Variants in RMND5B observed in about 807,000 individuals in gnomAD.
RMND5B encodes E3 ubiquitin-protein transferase RMND5B.
RMND5B carries 42 observed loss-of-function variants against 50.4 expected under a neutral mutation model. The ratio of observed to expected loss-of-function variants is 0.83; its 90% CI spans 0.65 to 1.08. RMND5B has a LOEUF of 1.08. Among genes scored for constraint, RMND5B ranks in the 50% least tolerant of loss-of-function variants. RMND5B has a pLI of 0.00. For missense variants in RMND5B, 463 were observed against 508.5 expected (o/e 0.91, Z 0.86); for synonymous variants, 220 against 210.0 (o/e 1.05, Z -0.41).
chr5:178,132,596 T>A (rs1325209629), intron 2 of RMND5B, among the ~76,000 whole-genome samples: 7 of 151,292 alleles, frequency 4.6e-5, no homozygotes, highest in Non-Finnish European at 7.4e-5. Context: ...TGGGACTACA[T>A]GGTGCACCTG....
chr5:178,142,267 A>G (rs1261891054), intron 3 of RMND5B: 1 of 311,872 alleles, frequency 3.2e-6, no homozygotes, highest in Non-Finnish European at 6.0e-6. Context: ...AATCCTATGC[A>G]TGCTGTAGTC....
intron 4 of RMND5B, 52 bp downstream of exon 4, chr5:178,142,780 A>C (rs758736609): frequency 6.2e-7 from 1 of 1,614,204 alleles, no homozygotes; most frequent in Non-Finnish European, 8.5e-7. Flanking sequence ...TGAAGCTGGG[A>C]TGTACAAGGA....
Position 178,149,319 on chromosome 5 carries a change from G to A in RMND5B, c.*1287G>A, listed in dbSNP as rs985973128. The A allele has an allele frequency of 4.4e-5, 9 of 203,806 alleles. No homozygotes were observed. The highest frequency in any genetic ancestry group is 1.6e-4 in the African/African-American group (7 of 42,704). 12.6% of individuals were successfully genotyped at this position (203,806 alleles called of 1,614,324 possible). On this transcript the variant is annotated 3_prime_UTR_variant, in exon 11 of 11. Coordinates refer to ENST00000313386, the MANE Select transcript of RMND5B (RefSeq NM_022762.5). ...TTCTCAGCTTGAGCCAAAGCACCCG[G>A]CCCTGGGCAGCTGAGCATCAGCACA...
At chr5:178,136,198 A>C (rs1758615075) in intron 2 of RMND5B, 1 of 152,182 alleles carries the variant, frequency 6.6e-6, no homozygotes, top group African/African-American at 2.4e-5. Context: ...TCTCATCTGC[A>C]AAGTGGGTCT....
Position 178,143,635 on chromosome 5 carries a change from G to A in RMND5B, c.435G>A (p.Thr145=), listed in dbSNP as rs114916116. The change falls in exon 6 of 11, where the codon ACG becomes ACA. Residue 145 remains threonine, a synonymous_variant. Transcript: ENST00000313386. The part of the protein sequence containing the change: ...SVAEELCQES[T]LNVDLDFKQP... ...TCTCTCTCTCCTTGTAGGAATCAAC[G>A]CTGAATGTGGACTTGGATTTCAAGC... 3.5e-3 allele frequency: 5,696 copies of A among 1,613,126 alleles called. 174 individuals carry two copies. In the African/African-American group the frequency reaches 0.069, roughly 19 times the overall value.
At position 178,131,314 on chromosome 5, in the gene RMND5B, G is replaced by C. The variant is rs1170488380; in HGVS notation, c.-75G>C. ...GCCCCCGAAGAGCCGCCTCAGCCGG[G>C]GGGAGTTGCTCGGACTCAAACGTCC... On this transcript the variant is annotated 5_prime_UTR_variant, in exon 2 of 11. Transcript: ENST00000313386. 1 of 152,252 alleles carries C rather than the reference G, an allele frequency of 6.6e-6. No homozygotes were observed. Among genetic ancestry groups the C allele is most frequent in the African/African-American group, 2.4e-5 (1 of 41,454 alleles). The allele number at this position is 152,252 out of a possible 1,614,324, so 9.4% of individuals were successfully genotyped here.
chr5:178,133,767 AG>A (rs1758464445), intron 2 of RMND5B, among the ~76,000 whole-genome samples: 1 of 145,920 alleles, frequency 6.9e-6, no homozygotes, highest in Non-Finnish European at 1.5e-5. Context: ...GCTGGAGTGC[AG>A]TGGCACAATC....
intron 3 of RMND5B, chr5:178,142,224 G>T (rs1758984361): frequency 9.6e-6 from 2 of 207,842 alleles, no homozygotes; most frequent in East Asian, 2.2e-4. Context: ...TGGATCAGGT[G>T]GTAACTCTAG....
chr5:178,150,088 G>A lies in RMND5B; in HGVS notation c.*2056G>A. 1 of 390,926 alleles carries A rather than the reference G, an allele frequency of 2.6e-6. No homozygotes were observed. The highest frequency in any genetic ancestry group is 4.7e-6 in the Non-Finnish European group (1 of 212,754). The allele number at this position is 390,926 out of a possible 1,614,324, so 24.2% of individuals were successfully genotyped here. A position where few individuals can be genotyped will look rare whatever the true frequency, so the allele number is the denominator to read the frequency against. On this transcript the variant is annotated 3_prime_UTR_variant, in exon 11 of 11. Transcript: ENST00000313386. ...AAAGGGCTCCAGCCCAGCAGGGGCT[G>A]TCCCGGTCCCTGCCACCCCCACTTC...
At chr5:178,131,988 G>A (rs1384676668) in intron 2 of RMND5B, among the ~76,000 whole-genome samples, 1 of 152,166 alleles carries the variant, frequency 6.6e-6, no homozygotes, top group East Asian at 1.9e-4. Flanking sequence ...GACATGTAGG[G>A]TAGAGAGTGG....
rs1469518704 is a variant in RMND5B, at chr5:178,138,112, A to T, written c.-8A>T. Reference sequence around the variant, plus strand: ...GACCCAGCTGACCCTCCCCAGGCTGAGGCCACCATGGAGCAGTGTGCGTGC... The same window carrying T: ...GACCCAGCTGACCCTCCCCAGGCTGTGGCCACCATGGAGCAGTGTGCGTGC... On this transcript the variant is annotated 5_prime_UTR_variant, in exon 3 of 11. Transcript: ENST00000313386. This position sits in a 1 kb window ranked among gnomAD's most constrained non-coding sequence, Gnocchi z 5.1. 6.3e-7 allele frequency: 1 copy of T among 1,585,060 alleles called. No homozygotes were observed. Among genetic ancestry groups the T allele is most frequent in the Admixed American group, 1.8e-5 (1 of 55,214 alleles).
At chr5:178,142,492 G>A (rs760354070) in intron 3 of RMND5B, 91 bp from the exon 4 acceptor site, 53 of 1,436,580 alleles carry the variant, frequency 3.7e-5, no homozygotes, top group Admixed American at 1.5e-4. Context: ...CCTGGGCTAC[G>A]GGGCTGGCAT....
In RMND5B at chr5:178,138,442, A is replaced by C; in HGVS notation, c.139+184A>C. ...ACTTCAAAAAGCCCAACAAATTATTAATTTACCTGAGATGATTCCCATTTA... is the reference window on the plus strand; with the variant it reads ...ACTTCAAAAAGCCCAACAAATTATTCATTTACCTGAGATGATTCCCATTTA... On this transcript the variant is annotated intron_variant, in intron 3 of 10. Coordinates refer to ENST00000313386, the MANE Select transcript of RMND5B (RefSeq NM_022762.5). The surrounding 1 kb of genome is among the most constrained non-coding windows in gnomAD (Gnocchi z 5.1). The C allele has an allele frequency of 7.4e-7, 1 of 1,358,416 alleles. No homozygotes were observed. The highest frequency in any genetic ancestry group is 9.5e-7 in the Non-Finnish European group (1 of 1,053,152). The allele number at this position is 1,358,416 out of a possible 1,614,324, so 84.1% of individuals were successfully genotyped here. A position where few individuals can be genotyped will look rare whatever the true frequency, so the allele number is the denominator to read the frequency against.
At chr5:178,147,420 C>T (rs6601221) in intron 8 of RMND5B, 113 bp from the exon 9 acceptor site, 404,625 of 720,918 alleles carry the variant, frequency 0.56, 116,500 homozygotes, top group African/African-American at 0.81. Flanking sequence ...CCGATTTGAC[C>T]GTGCACCATT....
chr5:178,135,707 C>T (rs1355015589), intron 2 of RMND5B, among the ~76,000 whole-genome samples: 1 of 152,156 alleles, frequency 6.6e-6, no homozygotes, highest in African/African-American at 2.4e-5. Flanking sequence ...TCAGCCTTTT[C>T]GCTGAGATCA....
Position 178,147,841 on chromosome 5 carries a change from T to G in RMND5B, c.1076T>G (p.Val359Gly), listed in dbSNP as rs1756114506. ...CCCATCAAGCTCATCTGTGGCCATG[T>G]TATCTCCCGAGATGCACTCAATAAG... ...NPPIKLICGH[V>G]ISRDALNKLI... The change falls in exon 10 of 11, where the codon GTT (valine) becomes GGT (glycine). Residue 359 changes from valine (V) to glycine (G), a missense_variant. By Grantham distance (109) the Val-to-Gly change is moderately radical. Transcript: ENST00000313386. 9.3e-6 allele frequency: 15 copies of G among 1,614,168 alleles called. No individual in the cohort carries two copies. Among genetic ancestry groups the G allele is most frequent in the Non-Finnish European group, 1.1e-5 (13 of 1,180,022 alleles).
intron 2 of RMND5B, among the ~76,000 whole-genome samples, chr5:178,133,155 G>A (rs896442677): frequency 3.3e-5 from 5 of 152,046 alleles, no homozygotes; most frequent in East Asian, 3.9e-4. Flanking sequence ...GAGCCACCAC[G>A]CCCAGCCGAT....
intron 8 of RMND5B, 147 bp downstream of exon 8, chr5:178,146,426 T>A: frequency 1.4e-6 from 1 of 700,450 alleles, no homozygotes; most frequent in Non-Finnish European, 2.3e-6. Flanking sequence ...GGAGAGGAAT[T>A]ACCTGTTTTT....
chr5:178,143,072 C>A, intron 5 of RMND5B, 80 bp downstream of exon 5: 2 of 1,470,610 alleles, frequency 1.4e-6, no homozygotes, highest in South Asian at 1.3e-5. Flanking sequence ...AAGTCCCTAC[C>A]ATTCTCAAAT....
Sources: allele counts gnomAD v4.1 joint callset (sites outside exome capture counted in the v4.1 genomes callset), GRCh38; gene constraint gnomAD v4.1.1; non-coding constraint Gnocchi (gnomAD v3.1); transcripts MANE v1.5; gene names NCBI Gene and HGNC (gene_info 2026-07-23, HGNC 2026-07-21).